The following THUMPD3 variants were observed in gnomAD, a reference collection of about 807,000 sequenced individuals.
THUMPD3 encodes the protein THUMP domain 3 tRNA guanosine methyltransferase.
In THUMPD3, 44 loss-of-function variants were observed where a neutral mutation model predicts 54.5. That is an observed-to-expected ratio of 0.81 (90% CI 0.63 to 1.04). The LOEUF is 1.04. THUMPD3 is among the 50% of genes least tolerant of loss of function. The pLI, the probability that THUMPD3 is intolerant of heterozygous loss-of-function variation, is 0.00. For synonymous variants in THUMPD3, 196 were observed against 201.4 expected, an observed-to-expected ratio of 0.97 and a Z score of 0.23; for missense variants, 604 against 601.3, an observed-to-expected ratio of 1.00 and a Z score of -0.05.
intron 3 of THUMPD3, among the ~76,000 whole-genome samples, chr3:9,370,246 C>T (rs1179137672): frequency 6.6e-6 from 1 of 152,076 alleles, no homozygotes; most frequent in African/African-American, 2.4e-5. Context: ...AATCCCTACA[C>T]TTGTTTTCAT....
chr3:9,366,356 G>A (rs2031565544), intron 2 of THUMPD3, among the ~76,000 whole-genome samples: 2 of 152,068 alleles, frequency 1.3e-5, no homozygotes, highest in Non-Finnish European at 2.9e-5. Flanking sequence ...CGCTCTTAGT[G>A]TCTGGCATAT....
intron 7 of THUMPD3, 92 bp downstream of exon 7, chr3:9,380,710 A>C: frequency 1.2e-6 from 1 of 803,688 alleles, no homozygotes; most frequent in Non-Finnish European, 2.0e-6. Flanking sequence ...GTGCATTGTG[A>C]CGTCATTGTA....
intron 2 of THUMPD3, among the ~76,000 whole-genome samples, chr3:9,365,781 G>A (rs753564184): frequency 1.3e-5 from 2 of 151,942 alleles, no homozygotes; most frequent in African/African-American, 4.8e-5. Flanking sequence ...TAGTAGAAAC[G>A]GGGTTTCACC....
intron 1 of THUMPD3, among the ~76,000 whole-genome samples, chr3:9,364,261 A>G (rs554946423): frequency 6.6e-6 from 1 of 152,082 alleles, no homozygotes; most frequent in East Asian, 1.9e-4. Context: ...CATTCAACCT[A>G]TGATGGTGGA....
chr3:9,383,111 C>G, intron 7 of THUMPD3, 88 bp from the exon 8 acceptor site: 3 of 794,842 alleles, frequency 3.8e-6, no homozygotes. Flanking sequence ...TTATGTTTTG[C>G]TGTAGCAGTC....
intron 5 of THUMPD3, among the ~76,000 whole-genome samples, chr3:9,375,215 A>G (rs1559306432): frequency 6.6e-6 from 1 of 152,150 alleles, no homozygotes; most frequent in African/African-American, 2.4e-5. Context: ...AGGTTACCAC[A>G]TTTCTGTTTA....
At position 9,384,259 on chromosome 3, in the gene THUMPD3, G is replaced by A. The variant is rs763734644; in HGVS notation, c.1283G>A (p.Arg428Gln). Residue 428 changes from arginine to glutamine, a missense_variant, in exon 9 of 10, where the codon CGG becomes CAG. Transcript: ENST00000452837. ...TGGAACCTTTATCCAGCTTGCCTAC[G>A]GGAGATGAGCCGTGTCTGCACACCT... is the stretch of plus-strand genomic sequence containing the variant. ...RNWNLYPACL[R>Q]EMSRVCTPTT... 24 of 1,614,004 alleles carry A rather than the reference G, an allele frequency of 1.5e-5. 1 individual carries two copies. The East Asian group carries it at 2.2e-4, about 15-fold the overall frequency.
chr3:9,375,050 T>C (rs2125322291), intron 5 of THUMPD3, among the ~76,000 whole-genome samples: 1 of 152,296 alleles, frequency 6.6e-6, no homozygotes, highest in South Asian at 2.1e-4. Flanking sequence ...AGAGACGACA[T>C]TTCACTATGT....
At chr3:9,364,937 C>T in intron 1 of THUMPD3, 79 bp from the exon 2 acceptor site, 1 of 1,222,082 alleles carries the variant, frequency 8.2e-7, no homozygotes. Flanking sequence ...GTTCTTCCTG[C>T]CCTCCAGAGC....
At chr3:9,364,316 ATATTAT>A (rs112160333) in intron 1 of THUMPD3, among the ~76,000 whole-genome samples, 4 of 150,710 alleles carry the variant, frequency 2.7e-5, no homozygotes, top group African/African-American at 9.7e-5. Flanking sequence ...CAAAAGCCCC[ATATTAT>A]TATTATTATT....
In THUMPD3 at chr3:9,384,553, A is replaced by C; in HGVS notation, c.1389A>C (p.Arg463=). ...KALSGMRHVW[R]KVDTVWVNVG... is the part of the protein sequence containing the mutation. ...TATCTGGAATGCGACACGTATGGCG[A>C]AAGGTGGATACAGTCTGGGTGAACG... Residue 463 remains arginine, a synonymous_variant, in exon 10 of 10, where the codon CGA becomes CGC. Transcript: ENST00000452837. 1 of 1,614,198 alleles carries C rather than the reference A, an allele frequency of 6.2e-7. No homozygotes were observed. The highest frequency in any genetic ancestry group is 1.1e-5 in the South Asian group (1 of 91,084).
chr3:9,371,249 G>C lies in THUMPD3; in HGVS notation c.520G>C (p.Glu174Gln), dbSNP rs2032012125. ...VKIDQRNVKK[E>Q]FTSHALDSHI... The stretch of plus-strand genomic sequence containing the variant: ...AATCGATCAGAGAAATGTTAAAAAA[G>C]AGTTCACTAGCCATGCTTTAGATTC... Residue 174 changes from glutamate to glutamine, a missense_variant, in exon 4 of 10, where the codon GAG (glutamate) becomes CAG (glutamine). Coordinates refer to ENST00000452837, the MANE Select transcript of THUMPD3 (RefSeq NM_001114092.2). 1.2e-6 allele frequency: 2 copies of C among 1,611,806 alleles called. No individual in the cohort carries two copies. Among genetic ancestry groups the C allele is most frequent in the Non-Finnish European group, 8.5e-7 (1 of 1,179,474 alleles).
intron 3 of THUMPD3, among the ~76,000 whole-genome samples, chr3:9,368,087 A>G (rs549888569): frequency 6.6e-6 from 1 of 152,288 alleles, no homozygotes; most frequent in East Asian, 1.9e-4. Context: ...CAGACTGAAA[A>G]TAGATAAAAA....
chr3:9,369,027 C>T (rs374757244), intron 3 of THUMPD3, among the ~76,000 whole-genome samples: 11 of 151,650 alleles, frequency 7.3e-5, no homozygotes, highest in African/African-American at 2.7e-4. Flanking sequence ...TTGAAATATT[C>T]TGGGTTGGGC....
At chr3:9,367,066 G>A in intron 3 of THUMPD3, 81 bp downstream of exon 3, 2 of 1,149,376 alleles carry the variant, frequency 1.7e-6, no homozygotes, top group Non-Finnish European at 2.6e-6. Flanking sequence ...GTCTGTGAAA[G>A]TTTAGCATTA....
rs1242906630 is a variant in THUMPD3, at chr3:9,383,849, T to G, written c.1236-363T>G. Among the ~76,000 whole-genome samples, 7 of 152,214 alleles carry G rather than the reference T, an allele frequency of 4.6e-5. No homozygotes were observed. In the South Asian group the frequency reaches 1.4e-3, roughly 31 times the overall value. ...ATTGGCCAGGCTGGTCTCAAACTCC[T>G]GACTTCAGGTGATCTGCCCGCCTCA... On this transcript the variant is annotated intron_variant, in intron 8 of 9. Transcript: ENST00000452837.
intron 3 of THUMPD3, 49 bp downstream of exon 3, chr3:9,367,034 G>A (rs746429116): frequency 7.1e-7 from 1 of 1,411,334 alleles, no homozygotes; most frequent in Non-Finnish European, 9.9e-7. Context: ...CTTCCACAAA[G>A]AGATTATTTC....
chr3:9,382,133 CTTTTG>C (rs1046404625), intron 7 of THUMPD3, among the ~76,000 whole-genome samples: 8 of 151,878 alleles, frequency 5.3e-5, no homozygotes, highest in East Asian at 1.9e-4. Flanking sequence ...TATTTTTTGC[CTTTTG>C]TTTTGTGCAG....
At chr3:9,370,915 T>C (rs1437117780) in intron 3 of THUMPD3, 145 bp from the exon 4 acceptor site, 1 of 681,274 alleles carries the variant, frequency 1.5e-6, no homozygotes, top group South Asian at 2.0e-5. Context: ...TGAGGGACTT[T>C]TGAGCATCTT....
Sources: gnomAD v4.1 joint callset for allele counts (sites outside exome capture counted in the v4.1 genomes callset) on GRCh38, gnomAD v4.1.1 for gene constraint, MANE v1.5 for transcripts, NCBI Gene and HGNC (gene_info 2026-07-23, HGNC 2026-07-21) for gene names.